Variants in EXOSC9 observed in about 807,000 individuals in gnomAD.
The protein encoded by EXOSC9 is exosome component 9, also known as exosome complex component RRP45.
A neutral mutation model predicts 56.5 loss-of-function variants in EXOSC9; 38 were observed. That is an observed-to-expected ratio of 0.67 (90% CI 0.52 to 0.88). EXOSC9 has a LOEUF of 0.88. Among genes scored for constraint, EXOSC9 ranks in the 40% least tolerant of loss-of-function variants. The probability of loss-of-function intolerance (pLI) is 0.00; values close to 1 mark genes in which losing one functional copy is unlikely to be tolerated. For missense variants in EXOSC9, 559 were observed against 530.5 expected (o/e 1.05, Z -0.53); for synonymous variants, 170 against 170.8 (o/e 0.99, Z 0.04).
chr4:121,816,546 CAAAA>C, intron 11 of EXOSC9, 99 bp downstream of exon 11: 1 of 872,430 alleles, frequency 1.1e-6, no homozygotes, highest in Non-Finnish European at 1.7e-6. Context: ...TGACTATAAA[CAAAA>C]AGACATCCCT....
chr4:121,808,988 A>T (rs1410512490), intron 6 of EXOSC9, among the ~76,000 whole-genome samples: 2 of 145,706 alleles, frequency 1.4e-5, no homozygotes. Flanking sequence ...GTTACTTTTT[A>T]AATTTTTTTT....
chr4:121,802,836 C>G (rs370380280), intron 3 of EXOSC9, 43 bp downstream of exon 3: 3 of 1,612,794 alleles, frequency 1.9e-6, no homozygotes, highest in East Asian at 2.2e-5. Context: ...CATAGGAGAA[C>G]CTAACAGCAG....
chr4:121,802,695 T>C lies in EXOSC9; in HGVS notation c.183T>C (p.Cys61=), dbSNP rs773690265. The C allele has an allele frequency of 3.1e-6, 5 of 1,614,032 alleles. No homozygotes were observed. In the Admixed American group the frequency reaches 8.3e-5, roughly 27 times the overall value. Residue 61 remains cysteine (C), a synonymous_variant, in exon 3 of 12, where the codon TGT becomes TGC. Coordinates refer to ENST00000243498, the MANE Select transcript of EXOSC9 (RefSeq NM_005033.3). ...GCAGAGTTCTTGGACAGGTTTCCTG[T>C]GAACTTGTGTCTCCAAAACTCAATC... is the stretch of plus-strand genomic sequence containing the variant. ...GKTRVLGQVS[C]ELVSPKLNRA...
At position 121,814,094 on chromosome 4, in the gene EXOSC9, G is replaced by A. The variant is rs558966584; in HGVS notation, c.1156+47G>A. 1.7e-5 allele frequency: 19 copies of A among 1,124,286 alleles called. 1 individual carries two copies. Among genetic ancestry groups the A allele is most frequent in the African/African-American group, 1.3e-4 (8 of 63,652 alleles). 69.6% of individuals were successfully genotyped at this position (1,124,286 alleles called of 1,614,324 possible). On this transcript the variant is annotated intron_variant, in intron 10 of 11. Transcript: ENST00000243498. ...ACTTACTATATATTACATACATATA[G>A]TATTACCGTATAGTTATATATATAA... is the stretch of plus-strand genomic sequence containing the variant.
chr4:121,808,530 T>C (rs56311153), intron 6 of EXOSC9, among the ~76,000 whole-genome samples: 41,099 of 151,708 alleles, frequency 0.27, 6,191 homozygotes, highest in Non-Finnish European at 0.32. Flanking sequence ...TAGCTAATTT[T>C]TGTATTTTTT....
At chr4:121,808,094 G>T (rs998562008) in intron 6 of EXOSC9, among the ~76,000 whole-genome samples, 1 of 152,284 alleles carries the variant, frequency 6.6e-6, no homozygotes, top group Middle Eastern at 3.4e-3. Flanking sequence ...AAGTTTTCCA[G>T]CGTTTTCATT....
At position 121,801,344 on chromosome 4, in the gene EXOSC9, G is replaced by C. The variant is rs1726851557; in HGVS notation, c.-81G>C. The C allele has an allele frequency of 1.5e-6, 2 of 1,369,770 alleles. No individual in the cohort carries two copies. The highest frequency in any genetic ancestry group is 1.7e-5 in the Admixed American group (1 of 59,438). 84.9% of individuals were successfully genotyped at this position (1,369,770 alleles called of 1,614,324 possible). On this transcript the variant is annotated 5_prime_UTR_variant, in exon 1 of 12. Coordinates refer to ENST00000243498, the MANE Select transcript of EXOSC9 (RefSeq NM_005033.3). ...TGACGTAATTTTCCTGCGCCTCGGGGCGAGCAGCGGCGCGCAAGGAAAGAT... is the reference window on the plus strand; with the variant it reads ...TGACGTAATTTTCCTGCGCCTCGGGCCGAGCAGCGGCGCGCAAGGAAAGAT...
chr4:121,813,371 C>T lies in EXOSC9; in HGVS notation c.965C>T (p.Pro322Leu), dbSNP rs1340936154. ...AEEIIAEAEP[P>L]SEVVSTPVLW... The stretch of plus-strand genomic sequence containing the variant: ...GAAATCATTGCTGAAGCAGAACCTC[C>T]TTCAGAAGTGTATCTTTATTTGGTG... The change falls in exon 9 of 12, where the codon CCT becomes CTT. Residue 322 changes from proline to leucine, a missense_variant. Transcript: ENST00000243498. 6.2e-7 allele frequency: 1 copy of T among 1,612,214 alleles called. No individual in the cohort carries two copies. Among genetic ancestry groups the T allele is most frequent in the African/African-American group, 1.3e-5 (1 of 74,754 alleles).
rs769082818 is a variant in EXOSC9 at position 121,810,084 on chromosome 4, G to A, written c.723G>A (p.Met241Ile). The A allele has an allele frequency of 2.5e-6, 4 of 1,613,688 alleles. No homozygotes were observed. Among genetic ancestry groups the A allele is most frequent in the Admixed American group, 1.7e-5 (1 of 59,976 alleles). Residue 241 changes from methionine to isoleucine, a missense_variant, in exon 7 of 12, where the codon ATG (methionine) becomes ATA (isoleucine). By Grantham distance (10) the Met-to-Ile change is conservative. Coordinates refer to ENST00000243498, the MANE Select transcript of EXOSC9 (RefSeq NM_005033.3). ...ICTIQSSGGI[M>I]LLKDQVLRCS... ...CTATCCAGTCCAGTGGTGGGATAAT[G>A]CTACTAAAAGATCAAGTTAGTGCTT... is the stretch of plus-strand genomic sequence containing the variant.
intron 8 of EXOSC9, among the ~76,000 whole-genome samples, chr4:121,812,264 A>G (rs758750406): frequency 7.9e-5 from 12 of 152,236 alleles, no homozygotes; most frequent in Non-Finnish European, 1.6e-4. Context: ...TCCAGACTCC[A>G]AGATACAACA....
At chr4:121,802,589 A>G (rs1726899279) in intron 2 of EXOSC9, 85 bp from the exon 3 acceptor site, 2 of 1,339,710 alleles carry the variant, frequency 1.5e-6, no homozygotes, top group African/African-American at 1.5e-5. Context: ...TACTCACATT[A>G]AGATTGAAAC....
rs202018156 is a variant in EXOSC9 at position 121,816,473 on chromosome 4, A to G, written c.1235+26A>G. On this transcript the variant is annotated intron_variant, in intron 11 of 11. Coordinates refer to ENST00000243498, the MANE Select transcript of EXOSC9 (RefSeq NM_005033.3). ...GTAACAAATTTCTGGTTTATTTCAAATGTATACATATACTCAACACTTATA... is the reference window on the plus strand; with the variant it reads ...GTAACAAATTTCTGGTTTATTTCAAGTGTATACATATACTCAACACTTATA... 47 of 1,363,434 alleles carry G rather than the reference A, an allele frequency of 3.4e-5. No individual in the cohort carries two copies. In the African/African-American group the frequency reaches 5.3e-4, roughly 15 times the overall value. The allele number at this position is 1,363,434 out of a possible 1,614,324, so 84.5% of individuals were successfully genotyped here.
At chr4:121,805,831 GA>G (rs1261931739) in intron 5 of EXOSC9, among the ~76,000 whole-genome samples, 43 of 146,526 alleles carry the variant, frequency 2.9e-4, no homozygotes, top group African/African-American at 1.0e-3. Context: ...TTTGAGACAG[GA>G]TCTCACTCCG....
chr4:121,807,761 AG>A, intron 6 of EXOSC9, 139 bp downstream of exon 6: 1 of 629,246 alleles, frequency 1.6e-6, no homozygotes, highest in South Asian at 2.0e-5. Context: ...TTTCTTTGTA[AG>A]GGCATTAGTT....
intron 6 of EXOSC9, 52 bp downstream of exon 6, chr4:121,807,674 A>G: frequency 1.9e-6 from 2 of 1,042,158 alleles, no homozygotes; most frequent in East Asian, 2.4e-5. Context: ...TAGGAATTTT[A>G]TTGCTCTACT....
Position 121,810,097 on chromosome 4 carries a change from C to G in EXOSC9, c.736C>G (p.Gln246Glu), listed in dbSNP as rs770287602. The G allele has an allele frequency of 6.8e-6, 11 of 1,612,022 alleles. No homozygotes were observed. In the East Asian group the frequency reaches 1.8e-4, roughly 26 times the overall value. ...TGGTGGGATAATGCTACTAAAAGAT[C>G]AAGTTAGTGCTTTGATTAATGTCCC... is the stretch of plus-strand genomic sequence containing the variant. ...SSGGIMLLKD[Q>E]VLRCSKIAGV... is the part of the protein sequence containing the mutation. Residue 246 changes from glutamine to glutamate, a missense_variant and splice_region_variant, in exon 7 of 12, where the codon CAA becomes GAA. Gln to Glu is a conservative substitution (Grantham distance 29). Transcript: ENST00000243498.
intron 10 of EXOSC9, 192 bp from the exon 11 acceptor site, chr4:121,816,177 T>G: frequency 1.5e-6 from 1 of 653,042 alleles, no homozygotes. Flanking sequence ...CAGACTGGAC[T>G]CGAGTTCCTG....
At chr4:121,811,109 G>A (rs953447559) in intron 7 of EXOSC9, among the ~76,000 whole-genome samples, 1 of 152,018 alleles carries the variant, frequency 6.6e-6, no homozygotes, top group Non-Finnish European at 1.5e-5. Flanking sequence ...TATATCTTTG[G>A]GTCTCACTTT....
Position 121,802,979 on chromosome 4 carries a change from A to G in EXOSC9, c.346A>G (p.Ile116Val), listed in dbSNP as rs371058415. Reference sequence around the variant, plus strand: ...AAGATGTCTAAGAAATTCGAAGTGTATAGACACTGAGTCTCTCTGTGTTGT... The same window carrying G: ...AAGATGTCTAAGAAATTCGAAGTGTGTAGACACTGAGTCTCTCTGTGTTGT... ...MERCLRNSKC[I>V]DTESLCVVAG... is the part of the protein sequence containing the mutation. The change falls in exon 4 of 12, where the codon ATA (isoleucine) becomes GTA (valine). Residue 116 changes from isoleucine to valine, a missense_variant. Ile to Val is a conservative substitution (Grantham distance 29). Coordinates refer to ENST00000243498, the MANE Select transcript of EXOSC9 (RefSeq NM_005033.3). 3.7e-6 allele frequency: 6 copies of G among 1,613,856 alleles called. No individual in the cohort carries two copies. The highest frequency in any genetic ancestry group is 2.2e-5 in the South Asian group (2 of 91,082).
Sources: allele counts gnomAD v4.1 joint callset (sites outside exome capture counted in the v4.1 genomes callset), GRCh38; gene constraint gnomAD v4.1.1; transcripts MANE v1.5; gene names NCBI Gene and HGNC (gene_info 2026-07-23, HGNC 2026-07-21).